Variants in SLIT3 observed in about 807,000 individuals in gnomAD.
SLIT3 encodes the protein slit guidance ligand 3.
In SLIT3, 68 loss-of-function variants were observed where a neutral mutation model predicts 184.0. The observed-to-expected ratio is 0.37, with a 90% confidence interval of 0.30 to 0.45. The LOEUF (loss-of-function observed/expected upper bound fraction) is 0.45. Ranked by LOEUF, SLIT3 falls within the 20% of genes least tolerant of loss-of-function variation. SLIT3 has a pLI of 1.00. For synonymous variants in SLIT3, 831 were observed against 828.6 expected (o/e 1.00, Z -0.05); for missense variants, 1,707 against 2,026.0 (o/e 0.84, Z 3.02).
intron 4 of SLIT3, among the ~76,000 whole-genome samples, chr5:169,000,810 A>T (rs1453298781): frequency 1.3e-5 from 2 of 152,246 alleles, no homozygotes; most frequent in Non-Finnish European, 2.9e-5. Flanking sequence ...TGGCTATTCA[A>T]TTACAACTGA....
chr5:169,177,297 C>A (rs1378372787), intron 4 of SLIT3, among the ~76,000 whole-genome samples: 1 of 152,104 alleles, frequency 6.6e-6, no homozygotes, highest in Non-Finnish European at 1.5e-5. Flanking sequence ...TGATCTGGGG[C>A]CTGAAAAGAT....
chr5:169,215,196 G>A (rs868052999), intron 3 of SLIT3, among the ~76,000 whole-genome samples: 1 of 152,154 alleles, frequency 6.6e-6, no homozygotes, highest in South Asian at 2.1e-4. Context: ...CCCCAGCCAT[G>A]ACGAACTTCC....
intron 4 of SLIT3, among the ~76,000 whole-genome samples, chr5:169,151,572 T>C (rs1471346330): frequency 6.6e-6 from 1 of 152,222 alleles, no homozygotes; most frequent in Non-Finnish European, 1.5e-5. Flanking sequence ...TTGTCAGCCC[T>C]GGGAGAAGAC....
In SLIT3 at chr5:168,844,375, T is replaced by A. The variant is rs527897299; in HGVS notation, c.557+209A>T. Among the ~76,000 whole-genome samples, 8 of 152,194 alleles carry A rather than the reference T, an allele frequency of 5.3e-5. No homozygotes were observed. In the South Asian group the frequency reaches 6.2e-4, roughly 12 times the overall value. ...ACCTCAGTTTGTGGGAGGTAAGAAA[T>A]CACACTTGGCTGCCTGCAAACACTT... On this transcript the variant is annotated intron_variant, in intron 6 of 35. Coordinates refer to ENST00000519560, the MANE Select transcript of SLIT3 (RefSeq NM_003062.4).
At chr5:169,070,909 C>T (rs149200644) in intron 4 of SLIT3, among the ~76,000 whole-genome samples, 19 of 152,202 alleles carry the variant, frequency 1.2e-4, no homozygotes, top group Non-Finnish European at 2.1e-4. Context: ...TGCTGAGCCA[C>T]TTTAACCGTC....
intron 1 of SLIT3, among the ~76,000 whole-genome samples, chr5:169,262,760 T>C (rs1245996837): frequency 1.3e-5 from 2 of 152,156 alleles, no homozygotes; most frequent in African/African-American, 4.8e-5. Flanking sequence ...GCCACAGACA[T>C]GTATTGAGCA....
chr5:169,056,140 G>C (rs182839735), intron 4 of SLIT3, among the ~76,000 whole-genome samples: 1 of 152,130 alleles, frequency 6.6e-6, no homozygotes, highest in Non-Finnish European at 1.5e-5. Context: ...TGGAGTGGGG[G>C]TATAAAATCT....
rs1047126448 is a variant in SLIT3 at position 169,209,938 on chromosome 5, A to G, written c.342-16388T>C. ...TCTGCACATGTATACCAGAACTTAA[A>G]GTATAATAAAAAAAAATTATAAAAT... On this transcript the variant is annotated intron_variant, in intron 3 of 35. Transcript: ENST00000519560. Among the ~76,000 whole-genome samples, 29 of 141,730 alleles carry G rather than the reference A, an allele frequency of 2.0e-4. 1 individual carries two copies. Among genetic ancestry groups the G allele is most frequent in the South Asian group, 6.6e-4 (3 of 4,540 alleles). 93.0% of individuals were successfully genotyped at this position (141,730 alleles called of 152,430 possible). A position where few individuals can be genotyped will look rare whatever the true frequency, so the allele number is the denominator to read the frequency against.
chr5:169,066,946 A>G (rs77345962), intron 4 of SLIT3, among the ~76,000 whole-genome samples: 119 of 138,846 alleles, frequency 8.6e-4, no homozygotes, highest in Admixed American at 1.5e-3. Context: ...TTTCCTGAAA[A>G]AAAAAAAAAA....
chr5:168,812,828 G>T (rs1462787415), intron 8 of SLIT3, among the ~76,000 whole-genome samples: 1 of 152,036 alleles, frequency 6.6e-6, no homozygotes, highest in Non-Finnish European at 1.5e-5. Context: ...CTCCTAAGGA[G>T]ATGGGTGGCT....
At position 169,276,514 on chromosome 5, in the gene SLIT3, G is replaced by A. The variant is rs868443243; in HGVS notation, c.197+23999C>T. Among the ~76,000 whole-genome samples the A allele has an allele frequency of 8.5e-5, 13 of 152,284 alleles. No individual in the cohort carries two copies. In the South Asian group the frequency reaches 1.5e-3, roughly 17 times the overall value. On this transcript the variant is annotated intron_variant, in intron 1 of 35. Coordinates refer to ENST00000519560, the MANE Select transcript of SLIT3 (RefSeq NM_003062.4). The stretch of plus-strand genomic sequence containing the variant: ...CATTGGAACAAAGAGGATATTTCCT[G>A]GTTGGGATTCTGAGAGTTTGTAACA...
chr5:169,001,119 A>G (rs1294737141), intron 4 of SLIT3, among the ~76,000 whole-genome samples: 1 of 152,234 alleles, frequency 6.6e-6, no homozygotes, highest in East Asian at 1.9e-4. Context: ...CCACTTTCAC[A>G]TTTATCCAAG....
intron 3 of SLIT3, among the ~76,000 whole-genome samples, chr5:169,209,285 TA>T (rs1764174707): frequency 6.6e-6 from 1 of 152,128 alleles, no homozygotes; most frequent in Non-Finnish European, 1.5e-5. Context: ...TGGCGATCAC[TA>T]AAAAGTCAGG....
At chr5:168,701,782 A>C (rs1179809542) in intron 26 of SLIT3, among the ~76,000 whole-genome samples, 1 of 152,222 alleles carries the variant, frequency 6.6e-6, no homozygotes, top group African/African-American at 2.4e-5. Context: ...GGCTTGGCAC[A>C]GACCTGGTGG....
intron 1 of SLIT3, among the ~76,000 whole-genome samples, chr5:169,294,855 C>T (rs1161110012): frequency 3.9e-5 from 6 of 152,172 alleles, no homozygotes; most frequent in Non-Finnish European, 7.3e-5. Flanking sequence ...CTACAGAATA[C>T]CGTAAGCCAC....
At chr5:169,004,307 T>G (rs1220164884) in intron 4 of SLIT3, among the ~76,000 whole-genome samples, 1 of 152,140 alleles carries the variant, frequency 6.6e-6, no homozygotes, top group African/African-American at 2.4e-5. Flanking sequence ...GAGGCACAGG[T>G]AGGGGGAACT....
chr5:169,272,986 T>C lies in SLIT3; in HGVS notation c.198-21527A>G, dbSNP rs138911020. Among the ~76,000 whole-genome samples, 737 of 151,992 alleles carry C rather than the reference T, an allele frequency of 4.8e-3. 2 individuals carry two copies. Among genetic ancestry groups the C allele is most frequent in the Non-Finnish European group, 7.3e-3 (499 of 67,936 alleles). On this transcript the variant is annotated intron_variant, in intron 1 of 35. Transcript: ENST00000519560. ...CCGTTGCTCTCAGCCAGCTCATGGG[T>C]CTCAAGTAGCCGTGTGTGTTTCCAC...
intron 2 of SLIT3, among the ~76,000 whole-genome samples, chr5:169,246,664 T>A (rs572672526): frequency 6.6e-6 from 1 of 152,214 alleles, no homozygotes; most frequent in South Asian, 2.1e-4. Flanking sequence ...CTTACTCCTG[T>A]AATACCAGCA....
intron 4 of SLIT3, among the ~76,000 whole-genome samples, chr5:168,944,295 C>G (rs534258714): frequency 3.3e-5 from 5 of 152,074 alleles, no homozygotes; most frequent in Non-Finnish European, 5.9e-5. Context: ...AGGGTGTTAG[C>G]AGGAGAGGAG....
Sources: gnomAD v4.1 joint callset for allele counts (sites outside exome capture counted in the v4.1 genomes callset) on GRCh38, gnomAD v4.1.1 for gene constraint, MANE v1.5 for transcripts, NCBI Gene and HGNC (gene_info 2026-07-23, HGNC 2026-07-21) for gene names.